The following HNF4G variants were observed in gnomAD, a reference collection of about 807,000 sequenced individuals.
HNF4G encodes the protein hepatocyte nuclear factor 4 gamma.
A neutral mutation model predicts 50.9 loss-of-function variants in HNF4G; 21 were observed. That is an observed-to-expected ratio of 0.41 (90% CI 0.29 to 0.59). The LOEUF is 0.59. Ranked by LOEUF, HNF4G falls within the 20% of genes least tolerant of loss-of-function variation. HNF4G has a pLI of 0.26. For synonymous variants in HNF4G, 198 were observed against 185.6 expected (o/e 1.07, Z -0.54); for missense variants, 527 against 559.4 (o/e 0.94, Z 0.58).
At chr8:75,554,045 C>T (rs1807046577) in intron 5 of HNF4G, among the ~76,000 whole-genome samples, 1 of 151,700 alleles carries the variant, frequency 6.6e-6, no homozygotes, top group Non-Finnish European at 1.5e-5. Flanking sequence ...GTGTTATAAC[C>T]AGTGTATATT....
At chr8:75,516,999 A>T (rs1805904154) in intron 2 of HNF4G, among the ~76,000 whole-genome samples, 2 of 152,110 alleles carry the variant, frequency 1.3e-5, no homozygotes, top group Non-Finnish European at 2.9e-5. Flanking sequence ...GGCCAGGGAG[A>T]CCTCACAATC....
At chr8:75,478,503 G>A (rs954031786) in intron 1 of HNF4G, among the ~76,000 whole-genome samples, 3 of 152,052 alleles carry the variant, frequency 2.0e-5, no homozygotes, top group Non-Finnish European at 4.4e-5. Context: ...CATAGCACAG[G>A]ATCTTGAGTC....
chr8:75,565,544 T>TA lies in HNF4G; in HGVS notation c.*1451dup, dbSNP rs1180401780. 1 of 152,146 alleles carries TA rather than the reference T, an allele frequency of 6.6e-6. No individual in the cohort carries two copies. Among genetic ancestry groups the TA allele is most frequent in the Non-Finnish European group, 1.5e-5 (1 of 68,028 alleles). 9.4% of individuals were successfully genotyped at this position (152,146 alleles called of 1,614,324 possible). A position where few individuals can be genotyped will look rare whatever the true frequency, so the allele number is the denominator to read the frequency against. ...GAGTCTTAAACTCTCTGATATCACT[T>TA]AAAGCTGGAGTTTATTTTAAAACAA... On this transcript the variant is annotated 3_prime_UTR_variant, in exon 10 of 10. Transcript: ENST00000396423.
intron 1 of HNF4G, among the ~76,000 whole-genome samples, chr8:75,440,691 A>T (rs577536730): frequency 1.8e-4 from 28 of 152,366 alleles, no homozygotes; most frequent in Admixed American, 7.8e-4. Context: ...TAAATTAAAG[A>T]TTAAAACTAA....
chr8:75,435,201 A>C (rs1811108212), intron 1 of HNF4G, among the ~76,000 whole-genome samples: 2 of 152,232 alleles, frequency 1.3e-5, no homozygotes, highest in African/African-American at 4.8e-5. Flanking sequence ...TTTATAAAAG[A>C]TAAATCATGA....
At chr8:75,466,652 T>G (rs1475681312) in intron 1 of HNF4G, among the ~76,000 whole-genome samples, 1 of 94,314 alleles carries the variant, frequency 1.1e-5, no homozygotes. Flanking sequence ...TCCCTTCCCT[T>G]CCCTTCCCTT....
At chr8:75,414,541 C>T (rs1276831409) in intron 1 of HNF4G, among the ~76,000 whole-genome samples, 4 of 152,148 alleles carry the variant, frequency 2.6e-5, no homozygotes, top group Non-Finnish European at 4.4e-5. Flanking sequence ...TTCTCCTGTT[C>T]CTTGCATTCC....
rs114355742 is a variant in HNF4G, at chr8:75,545,843, A to T, written c.288-1744A>T. Among the ~76,000 whole-genome samples, 938 of 152,238 alleles carry T rather than the reference A, an allele frequency of 6.2e-3. 8 individuals carry two copies. Among genetic ancestry groups the T allele is most frequent in the African/African-American group, 0.021 (885 of 41,558 alleles). On this transcript the variant is annotated intron_variant, in intron 2 of 9. Transcript: ENST00000396423. ...ATCTTGTATGTTGTAGGTGCTTAATAATATGTGTATTCAATTTTTGTTATT... is the reference window on the plus strand; with the variant it reads ...ATCTTGTATGTTGTAGGTGCTTAATTATATGTGTATTCAATTTTTGTTATT...
chr8:75,452,243 T>C (rs541205829), intron 1 of HNF4G, among the ~76,000 whole-genome samples: 2 of 152,302 alleles, frequency 1.3e-5, no homozygotes, highest in African/African-American at 4.8e-5. Flanking sequence ...ATATTCATTG[T>C]TGGTATTATA....
intron 2 of HNF4G, among the ~76,000 whole-genome samples, chr8:75,491,710 G>A (rs1949295): frequency 0.8 from 121,734 of 152,172 alleles, 49,516 homozygotes; most frequent in African/African-American, 0.95. Flanking sequence ...ACCTGACCTC[G>A]GGTGATCCAT....
rs148004298 is a variant in HNF4G at position 75,561,313 on chromosome 8, G to A, written c.1246+847G>A. Among the ~76,000 whole-genome samples, 137 of 152,292 alleles carry A rather than the reference G, an allele frequency of 9.0e-4. 1 individual carries two copies. The highest frequency in any genetic ancestry group is 3.1e-3 in the African/African-American group (129 of 41,578). Reference sequence around the variant, plus strand: ...TTTAGAGACTCAAACAACAGCAGCGGCAACATTCCCATGGTCAGCTACTTC... The same window carrying A: ...TTTAGAGACTCAAACAACAGCAGCGACAACATTCCCATGGTCAGCTACTTC... On this transcript the variant is annotated intron_variant, in intron 9 of 9. Transcript: ENST00000396423.
chr8:75,520,822 T>C (rs1370487060), intron 2 of HNF4G, among the ~76,000 whole-genome samples: 1 of 152,162 alleles, frequency 6.6e-6, no homozygotes, highest in Non-Finnish European at 1.5e-5. Flanking sequence ...GGCTGCCAAA[T>C]AGCTCTTCTT....
intron 1 of HNF4G, among the ~76,000 whole-genome samples, chr8:75,473,496 G>T (rs1261738856): frequency 1.3e-5 from 2 of 152,232 alleles, no homozygotes; most frequent in African/African-American, 4.8e-5. Flanking sequence ...AGGCAGGCAT[G>T]TGAATGTTTT....
intron 1 of HNF4G, among the ~76,000 whole-genome samples, chr8:75,472,670 G>A (rs1812142697): frequency 6.6e-6 from 1 of 152,144 alleles, no homozygotes; most frequent in African/African-American, 2.4e-5. Context: ...GGAAAGTAAA[G>A]TAGTATGATA....
At chr8:75,503,352 AAC>A (rs146600691) in intron 2 of HNF4G, among the ~76,000 whole-genome samples, 36,937 of 151,980 alleles carry the variant, frequency 0.24, 4,736 homozygotes, top group South Asian at 0.31. Context: ...CATGTAAAGT[AAC>A]ACAGAGATGT....
intron 1 of HNF4G, among the ~76,000 whole-genome samples, chr8:75,436,362 G>T (rs1811136131): frequency 2.0e-5 from 3 of 152,142 alleles, no homozygotes. Flanking sequence ...GACAAGGAAA[G>T]ACCTCTTGCC....
intron 2 of HNF4G, among the ~76,000 whole-genome samples, chr8:75,533,324 TA>T (rs1806379048): frequency 6.6e-6 from 1 of 152,008 alleles, no homozygotes; most frequent in Admixed American, 6.5e-5. Context: ...AAAGAGTTTT[TA>T]AAACACTGAT....
intron 1 of HNF4G, among the ~76,000 whole-genome samples, chr8:75,436,788 A>T (rs1441588488): frequency 6.6e-6 from 1 of 152,072 alleles, no homozygotes; most frequent in African/African-American, 2.4e-5. Flanking sequence ...TCACACCTGT[A>T]ATCTCAGCAC....
chr8:75,421,247 C>T (rs1810768360), intron 1 of HNF4G, among the ~76,000 whole-genome samples: 1 of 152,210 alleles, frequency 6.6e-6, no homozygotes. Context: ...GCACATCTCA[C>T]TTTCTCGCAG....
Sources: gnomAD v4.1 joint callset for allele counts (sites outside exome capture counted in the v4.1 genomes callset) on GRCh38, gnomAD v4.1.1 for gene constraint, MANE v1.5 for transcripts, NCBI Gene and HGNC (gene_info 2026-07-23, HGNC 2026-07-21) for gene names.